CLCN5: variants seen among roughly 807,000 people sequenced by gnomAD.
CLCN5 encodes the protein H(+)/Cl(-) exchange transporter 5.
Under a neutral mutation model 54.0 loss-of-function variants are expected in CLCN5, and 17 were observed. That is an observed-to-expected ratio of 0.31 (90% CI 0.22 to 0.47). The LOEUF (loss-of-function observed/expected upper bound fraction) is 0.47, where lower values mean the gene tolerates loss of function less well. CLCN5 is among the 20% of genes least tolerant of loss of function. CLCN5 has a pLI of 1.00. For missense variants in CLCN5, 448 were observed against 646.7 expected (o/e 0.69, Z 3.33); for synonymous variants, 222 against 233.0 (o/e 0.95, Z 0.43).
In CLCN5 at chrX:50,097,291, G is replaced by A. The variant is rs781828108; in HGVS notation, c.*5072G>A. ...GATCTGGGTAAAGGTTTGAATAGAT[G>A]TAGGGAACAAAATTGGTTTTTCCAT... On this transcript the variant is annotated 3_prime_UTR_variant, in exon 15 of 15. Transcript: ENST00000376091. 8.9e-6 allele frequency: 1 copy of A among 112,490 alleles called. No homozygotes were observed. Among genetic ancestry groups the A allele is most frequent in the African/African-American group, 3.2e-5 (1 of 30,921 alleles). 9.3% of individuals were successfully genotyped at this position (112,490 alleles called of 1,213,427 possible).
intron 3 of CLCN5, among the ~76,000 whole-genome samples, chrX:49,978,825 A>T (rs782705306): frequency 8.9e-6 from 1 of 111,775 alleles, no homozygotes; most frequent in East Asian, 2.8e-4. Flanking sequence ...GACTCTCCCA[A>T]GAGGGTGGAC....
chrX:50,000,833 C>T (rs1347461297), intron 3 of CLCN5, among the ~76,000 whole-genome samples: 3 of 112,075 alleles, frequency 2.7e-5, no homozygotes, highest in African/African-American at 9.7e-5. Context: ...AATCCATATG[C>T]TTTGCCTGGA....
chrX:49,940,593 C>T (rs1290875836), intron 3 of CLCN5, among the ~76,000 whole-genome samples: 1 of 112,298 alleles, frequency 8.9e-6, no homozygotes, highest in Non-Finnish European at 1.9e-5. Context: ...TTCTTAGTCC[C>T]ACCCATAATA....
intron 3 of CLCN5, among the ~76,000 whole-genome samples, chrX:49,936,458 G>C (rs185786985): frequency 8.9e-6 from 1 of 111,744 alleles, no homozygotes; most frequent in East Asian, 2.8e-4. Flanking sequence ...TTAGGAGCTG[G>C]GTTAATACTG....
rs373385118 is a variant in CLCN5, at chrX:49,999,823, G to T, written c.17-42493G>T. Reference sequence around the variant, plus strand: ...GAATTGTGCTACAACGAATACATTTGCTTTCTTAGTCTGTACATTAAAAGC... The same window carrying T: ...GAATTGTGCTACAACGAATACATTTTCTTTCTTAGTCTGTACATTAAAAGC... On this transcript the variant is annotated intron_variant, in intron 3 of 14. Transcript: ENST00000376091. Among the ~76,000 whole-genome samples the T allele has an allele frequency of 1.3e-4, 15 of 112,007 alleles. No individual in the cohort carries two copies. The South Asian group carries it at 5.5e-3, about 41-fold the overall frequency.
At chrX:50,065,734 T>C (rs1340382205) in intron 4 of CLCN5, among the ~76,000 whole-genome samples, 3 of 106,106 alleles carry the variant, frequency 2.8e-5, no homozygotes, top group African/African-American at 1.0e-4. Context: ...GCGGCATTAT[T>C]CACAATAGCA....
At chrX:50,036,996 A>G (rs781885086) in intron 3 of CLCN5, among the ~76,000 whole-genome samples, 20 of 112,355 alleles carry the variant, frequency 1.8e-4, no homozygotes, top group Non-Finnish European at 3.2e-4. Context: ...TGTCAAATGT[A>G]AATCTCAGAG....
At chrX:49,925,456 C>T (rs1557167901) in intron 3 of CLCN5, 142 bp downstream of exon 3, 1 of 580,456 alleles carries the variant, frequency 1.7e-6, no homozygotes, top group African/African-American at 2.3e-5. Context: ...GGACAAAACA[C>T]ATTAGTTTAA....
At chrX:49,997,937 G>A (rs1602027047) in intron 3 of CLCN5, among the ~76,000 whole-genome samples, 1 of 111,506 alleles carries the variant, frequency 9.0e-6, no homozygotes, top group Non-Finnish European at 1.9e-5. Flanking sequence ...CTACTCTTTA[G>A]CAGTTCCTTT....
chrX:50,070,046 G>C lies in CLCN5; in HGVS notation c.315+16G>C. 1 of 1,193,262 alleles carries C rather than the reference G, an allele frequency of 8.4e-7. No individual in the cohort carries two copies. The highest frequency in any genetic ancestry group is 1.1e-6 in the Non-Finnish European group (1 of 880,322). On this transcript the variant is annotated intron_variant, in intron 5 of 14. Transcript: ENST00000376091. ...GCACCGAGAGGTAAGACAAAAGATG[G>C]CACATGGGTAAGTGTTAGGAAATAC...
At chrX:49,955,080 A>G (rs1259107834) in intron 3 of CLCN5, among the ~76,000 whole-genome samples, 3 of 111,148 alleles carry the variant, frequency 2.7e-5, no homozygotes, top group East Asian at 5.6e-4. Flanking sequence ...TGTGTTGTGC[A>G]GGACAGGTCA....
At chrX:50,033,864 G>A (rs1323226205) in intron 3 of CLCN5, among the ~76,000 whole-genome samples, 1 of 111,656 alleles carries the variant, frequency 9.0e-6, no homozygotes, top group Admixed American at 9.5e-5. Context: ...AAGGGATCCT[G>A]AGAGCAAAAA....
intron 3 of CLCN5, among the ~76,000 whole-genome samples, chrX:49,927,195 A>G (rs1925390678): frequency 9.0e-6 from 1 of 111,637 alleles, no homozygotes; most frequent in Non-Finnish European, 1.9e-5. Flanking sequence ...AAGAGCTTGT[A>G]TTTTTTTCTC....
intron 3 of CLCN5, among the ~76,000 whole-genome samples, chrX:49,956,209 G>A (rs1927311346): frequency 8.9e-6 from 1 of 111,765 alleles, no homozygotes; most frequent in Non-Finnish European, 1.9e-5. Flanking sequence ...ATCTAGTGCA[G>A]CCTCTGACTA....
intron 3 of CLCN5, among the ~76,000 whole-genome samples, chrX:50,002,620 C>CGTCT (rs1168160707): frequency 7.3e-5 from 8 of 109,347 alleles, no homozygotes; most frequent in South Asian, 4.0e-4. Flanking sequence ...AGTTCTCTTG[C>CGTCT]GTCTGTCTGT....
chrX:50,075,892 T>C lies in CLCN5; in HGVS notation c.513T>C (p.Cys171=). 1 of 1,210,977 alleles carries C rather than the reference T, an allele frequency of 8.3e-7. No homozygotes were observed. Among genetic ancestry groups the C allele is most frequent in the African/African-American group, 1.7e-5 (1 of 57,857 alleles). Residue 171 remains cysteine (C), a synonymous_variant, in exon 7 of 15, where the codon TGT becomes TGC. Transcript: ENST00000376091. ...TGGFWFNHEH[C]CWNSEHVTFE... ...GATTCTGGTTTAACCATGAACATTG[T>C]TGCTGGAACTCTGAGCATGTCACCT... is the stretch of plus-strand genomic sequence containing the variant.
chrX:49,960,423 C>T lies in CLCN5; in HGVS notation c.16+35109C>T, dbSNP rs190159331. Among the ~76,000 whole-genome samples the T allele has an allele frequency of 3.6e-3, 393 of 109,827 alleles. 2 individuals are homozygous for T. Among genetic ancestry groups the T allele is most frequent in the Middle Eastern group, 9.3e-3 (2 of 215 alleles). On this transcript the variant is annotated intron_variant, in intron 3 of 14. Coordinates refer to ENST00000376091, the MANE Select transcript of CLCN5 (RefSeq NM_001127898.4). Reference sequence around the variant, plus strand: ...TACACATTCCTGGTTGGTTTATTTTCCAAATTCCCACAGCAACTGTTCCAT... The same window carrying T: ...TACACATTCCTGGTTGGTTTATTTTTCAAATTCCCACAGCAACTGTTCCAT...
intron 7 of CLCN5, among the ~76,000 whole-genome samples, chrX:50,076,948 C>CA (rs1557192206): frequency 2.7e-5 from 3 of 111,928 alleles, no homozygotes; most frequent in Non-Finnish European, 5.6e-5. Context: ...GCACACAAAG[C>CA]AAAAAACTCT....
intron 3 of CLCN5, among the ~76,000 whole-genome samples, chrX:49,964,525 G>A (rs186512870): frequency 3.1e-4 from 34 of 110,932 alleles, no homozygotes; most frequent in African/African-American, 1.1e-3. Flanking sequence ...TGTGATGTTA[G>A]GATTTGAATG....
Sources: gnomAD v4.1 joint callset for allele counts (sites outside exome capture counted in the v4.1 genomes callset) on GRCh38, gnomAD v4.1.1 for gene constraint, MANE v1.5 for transcripts, NCBI Gene and HGNC (gene_info 2026-07-23, HGNC 2026-07-21) for gene names.